Variants in PAK1 observed in about 807,000 individuals in gnomAD.
PAK1 encodes serine/threonine-protein kinase PAK 1.
In PAK1, 29 loss-of-function variants were observed where a neutral mutation model predicts 67.4. The observed-to-expected ratio is 0.43, with a 90% CI of 0.32 to 0.59. PAK1 has a LOEUF of 0.59. PAK1 is among the 20% of genes least tolerant of loss of function. The pLI, the probability that PAK1 is intolerant of heterozygous loss-of-function variation, is 0.07. For synonymous variants in PAK1, 223 were observed against 237.4 expected, an observed-to-expected ratio of 0.94 and a Z score of 0.56; for missense variants, 337 against 670.7, an observed-to-expected ratio of 0.50 and a Z score of 5.50.
intron 1 of PAK1, among the ~76,000 whole-genome samples, chr11:77,405,578 G>C (rs1953368795): frequency 6.6e-6 from 1 of 150,754 alleles, no homozygotes; most frequent in African/African-American, 2.4e-5. Flanking sequence ...GAAAAATTAA[G>C]ATGGTATCTA....
chr11:77,405,682 C>G (rs867083895), intron 1 of PAK1, among the ~76,000 whole-genome samples: 17 of 145,950 alleles, frequency 1.2e-4, no homozygotes, highest in South Asian at 2.1e-4. Flanking sequence ...CAGACACACA[C>G]ACACACACAC....
At position 77,461,987 on chromosome 11, in the gene PAK1, A is replaced by G. The variant is rs1957367439; in HGVS notation, c.-22+11565T>C. ...ATTCCTCAGCTTAAAGGAAATGAAG[A>G]AAGATCCAGAGTAGCAAAGTAGCTG... On this transcript the variant is annotated intron_variant, in intron 1 of 14. Transcript: ENST00000356341. Among the ~76,000 whole-genome samples the G allele has an allele frequency of 2.0e-5, 3 of 152,194 alleles. No individual in the cohort carries two copies. In the South Asian group the frequency reaches 6.2e-4, roughly 32 times the overall value.
At chr11:77,443,106 C>T (rs894375859) in intron 1 of PAK1, among the ~76,000 whole-genome samples, 2 of 151,960 alleles carry the variant, frequency 1.3e-5, no homozygotes, top group East Asian at 1.9e-4. Flanking sequence ...GGGTGGATCA[C>T]GAGGTCAGGA....
intron 1 of PAK1, among the ~76,000 whole-genome samples, chr11:77,451,883 G>A (rs981333750): frequency 3.5e-5 from 5 of 142,604 alleles, no homozygotes; most frequent in African/African-American, 8.4e-5. Flanking sequence ...ACAGGCGTGA[G>A]CCACCACGCC....
intron 1 of PAK1, among the ~76,000 whole-genome samples, chr11:77,433,543 G>T: frequency 6.6e-6 from 1 of 152,240 alleles, no homozygotes; most frequent in African/African-American, 2.4e-5. Flanking sequence ...ACTTTGGGGG[G>T]CCGAGGCAGG....
intron 5 of PAK1, among the ~76,000 whole-genome samples, chr11:77,365,251 C>CAAAAAAAAAAAAA (rs1364090865): frequency 2.2e-5 from 1 of 45,502 alleles, no homozygotes; most frequent in Non-Finnish European, 3.6e-5. Flanking sequence ...GACTCTGTCT[C>CAAAAAAAAAAAAA]AAAAAAAAAA....
chr11:77,453,953 C>T (rs1476143874), intron 1 of PAK1, among the ~76,000 whole-genome samples: 3 of 152,108 alleles, frequency 2.0e-5, no homozygotes, highest in Admixed American at 6.5e-5. Context: ...TATGGTGGCA[C>T]GTGCCTGTAG....
At chr11:77,501,259 G>A in the PAK1 span, among the ~76,000 whole-genome samples, 1 of 152,202 alleles carries the variant, frequency 6.6e-6, no homozygotes, top group Non-Finnish European at 1.5e-5. Flanking sequence ...AAATCCAGGA[G>A]AGTTTCACAT....
chr11:77,510,150 A>G, the PAK1 span, among the ~76,000 whole-genome samples: 1,515 of 152,326 alleles, frequency 9.9e-3, 27 homozygotes, highest in African/African-American at 0.035. Context: ...GTAGGGAGAC[A>G]TATTTTCACC....
chr11:77,389,329 C>T (rs1950844149), intron 2 of PAK1, among the ~76,000 whole-genome samples: 2 of 152,306 alleles, frequency 1.3e-5, no homozygotes, highest in African/African-American at 4.8e-5. Flanking sequence ...ATCTATTCAT[C>T]AGCTGATGGG....
chr11:77,430,333 A>G lies in PAK1; in HGVS notation c.-21-37792T>C, dbSNP rs758226284. On this transcript the variant is annotated intron_variant, in intron 1 of 14. Transcript: ENST00000356341. ...CCCCATTTGATGAGAACAAAGTTTA[A>G]TAACTTCAAATGTTCCTTCAACACT... Among the ~76,000 whole-genome samples, 158 of 152,230 alleles carry G rather than the reference A, an allele frequency of 1.0e-3. 1 individual carries two copies. The highest frequency in any genetic ancestry group is 1.4e-3 in the Non-Finnish European group (96 of 68,034).
upstream of PAK1, chr11:77,476,017 A>G (rs1424274099): frequency 2.0e-5 from 3 of 152,222 alleles, no homozygotes. Flanking sequence ...CTAAAATACA[A>G]AAATTAGCCG....
chr11:77,481,537 TG>T, the PAK1 span, among the ~76,000 whole-genome samples: 1 of 151,918 alleles, frequency 6.6e-6, no homozygotes, highest in East Asian at 1.9e-4. Context: ...TAGCCAGGTG[TG>T]GTAGCATGTG....
At chr11:77,485,300 T>C in the PAK1 span, among the ~76,000 whole-genome samples, 3 of 152,172 alleles carry the variant, frequency 2.0e-5, no homozygotes, top group Non-Finnish European at 4.4e-5. Context: ...TTGTACATTT[T>C]AAATAACTAA....
chr11:77,459,348 G>A (rs1231643400), intron 1 of PAK1, among the ~76,000 whole-genome samples: 2 of 152,118 alleles, frequency 1.3e-5, no homozygotes, highest in Non-Finnish European at 1.5e-5. Context: ...AAAGTCAAGG[G>A]AAGAGATGAT....
In PAK1 at chr11:77,355,707, T is replaced by G. The variant is rs764844044; in HGVS notation, c.733A>C (p.Lys245Gln). 8 of 1,613,536 alleles carry G rather than the reference T, an allele frequency of 5.0e-6. No homozygotes were observed. The highest frequency in any genetic ancestry group is 2.2e-5 in the East Asian group (1 of 44,894). ...LTRNTEKQKKKPKMSDEEILE... is the reference protein window; with the variant it reads ...LTRNTEKQKKQPKMSDEEILE... ...ATCTCCTCATCAGACATTTTAGGCT[T>G]CTTCTTCTGCTTCTCAGTATTCCGG... Residue 245 changes from lysine to glutamine, a missense_variant, in exon 7 of 15, where the codon AAG (lysine) becomes CAG (glutamine). By Grantham distance (53) the Lys-to-Gln change is moderately conservative. Transcript: ENST00000356341.
the PAK1 span, among the ~76,000 whole-genome samples, chr11:77,483,158 T>C: frequency 8.6e-5 from 13 of 150,768 alleles, no homozygotes; most frequent in Admixed American, 4.0e-4. Flanking sequence ...GATTGTGCCA[T>C]TGCACTCCAG....
intron 7 of PAK1, among the ~76,000 whole-genome samples, chr11:77,353,892 T>C (rs763729719): frequency 3.3e-5 from 5 of 152,188 alleles, no homozygotes; most frequent in Non-Finnish European, 7.3e-5. Flanking sequence ...CCAAGCCATA[T>C]GTTGTGTTAG....
At chr11:77,413,610 G>A (rs905635005) in intron 1 of PAK1, among the ~76,000 whole-genome samples, 3 of 152,124 alleles carry the variant, frequency 2.0e-5, no homozygotes, top group African/African-American at 4.8e-5. Flanking sequence ...TTGAACCCAG[G>A]AGGCGGAAGT....
Sources: gnomAD v4.1 joint callset for allele counts (sites outside exome capture counted in the v4.1 genomes callset) on GRCh38, gnomAD v4.1.1 for gene constraint, MANE v1.5 for transcripts, NCBI Gene and HGNC (gene_info 2026-07-23, HGNC 2026-07-21) for gene names.